Variants in TTC23L observed in about 807,000 individuals in gnomAD.
TTC23L encodes tetratricopeptide repeat protein 23-like.
Under a neutral mutation model 48.1 loss-of-function variants are expected in TTC23L, and 42 were observed. The observed-to-expected ratio is 0.87, with a 90% CI of 0.68 to 1.13. The LOEUF (loss-of-function observed/expected upper bound fraction) is 1.13, where lower values mean the gene tolerates loss of function less well. TTC23L is among the 50% of genes most tolerant of loss of function. The pLI is 0.00. For missense variants in TTC23L, 391 were observed against 421.0 expected (o/e 0.93, Z 0.62); for synonymous variants, 159 against 157.2 (o/e 1.01, Z -0.09).
At chr5:34,885,856 ATTAC>A (rs1762510293) in intron 9 of TTC23L, among the ~76,000 whole-genome samples, 1 of 152,224 alleles carries the variant, frequency 6.6e-6, no homozygotes, top group Admixed American at 6.5e-5. Context: ...AGAGAGAGAC[ATTAC>A]TTTTTAAGAA....
At chr5:34,901,362 T>A (rs1763506372), downstream of TTC23L, among the ~76,000 whole-genome samples, 6 of 152,230 alleles carry the variant, frequency 3.9e-5, no homozygotes, top group Admixed American at 3.9e-4. Flanking sequence ...TCACCAAAAC[T>A]GCCTTGGGAG....
intron 9 of TTC23L, among the ~76,000 whole-genome samples, chr5:34,889,423 T>C (rs1197342461): frequency 6.6e-6 from 1 of 152,178 alleles, no homozygotes; most frequent in Non-Finnish European, 1.5e-5. Context: ...TCACCAGCGG[T>C]GGCTGATAAT....
chr5:34,873,053 A>G (rs62356975), intron 8 of TTC23L, among the ~76,000 whole-genome samples: 20,703 of 150,956 alleles, frequency 0.14, 1,598 homozygotes, highest in Middle Eastern at 0.22. Context: ...ACAGAGGGAG[A>G]CTCCGTCTCA....
At chr5:34,860,589 T>C (rs1760535984) in intron 4 of TTC23L, among the ~76,000 whole-genome samples, 1 of 152,114 alleles carries the variant, frequency 6.6e-6, no homozygotes, top group Admixed American at 6.5e-5. Flanking sequence ...GTGCTTATAA[T>C]GCACAGTGCA....
At chr5:34,859,137 T>TAC (rs1462302640) in intron 4 of TTC23L, among the ~76,000 whole-genome samples, 1 of 152,144 alleles carries the variant, frequency 6.6e-6, no homozygotes, top group Non-Finnish European at 1.5e-5. Context: ...TGGGGTGGTT[T>TAC]TTAGTAGCTC....
chr5:34,923,170 C>T, the TTC23L span: 5 of 1,614,100 alleles, frequency 3.1e-6, no homozygotes, highest in Non-Finnish European at 3.4e-6. Flanking sequence ...AAAAGCCAAC[C>T]ATTTGTGGAC....
Position 34,864,436 on chromosome 5 carries a change from C to T in TTC23L, c.537-1C>T. The T allele has an allele frequency of 1.2e-6, 2 of 1,613,488 alleles. No individual in the cohort carries two copies. Among genetic ancestry groups the T allele is most frequent in the East Asian group, 2.2e-5 (1 of 44,866 alleles). On this transcript the variant is annotated splice_acceptor_variant, in intron 5 of 10. Coordinates refer to ENST00000505624, the Ensembl canonical transcript of TTC23L. LOFTEE classifies it high-confidence loss of function. Reference sequence around the variant, plus strand: ...CTTGCCATTTTCCTTGACTATTTCACTGGCAGAGAAGCCTATTTCAACCTG... The same window carrying T: ...CTTGCCATTTTCCTTGACTATTTCATTGGCAGAGAAGCCTATTTCAACCTG...
At chr5:34,848,177 G>C (rs144960775) in intron 3 of TTC23L, among the ~76,000 whole-genome samples, 162 of 152,270 alleles carry the variant, frequency 1.1e-3, no homozygotes, top group Non-Finnish European at 2.0e-3. Context: ...TTGGTTCCTT[G>C]AAGTGCTATT....
chr5:34,889,511 A>C (rs1762726002), intron 9 of TTC23L, among the ~76,000 whole-genome samples: 2 of 152,160 alleles, frequency 1.3e-5, no homozygotes, highest in Non-Finnish European at 2.9e-5. Flanking sequence ...GAGCCCTCCT[A>C]TCCACACCCC....
the TTC23L span, chr5:34,921,882 G>A: frequency 6.3e-6 from 1 of 159,886 alleles, no homozygotes; most frequent in Non-Finnish European, 1.3e-5. Context: ...ACTCCAGCCT[G>A]GGCAACAAGA....
At chr5:34,850,118 T>C in intron 3 of TTC23L, 67 bp from the exon 4 acceptor site, 1 of 1,563,178 alleles carries the variant, frequency 6.4e-7, no homozygotes, top group Non-Finnish European at 8.8e-7. Flanking sequence ...TGTGTTCCAG[T>C]GATAAGTCCA....
chr5:34,853,420 A>G (rs1033108488), intron 4 of TTC23L, among the ~76,000 whole-genome samples: 2 of 152,198 alleles, frequency 1.3e-5, no homozygotes, highest in African/African-American at 4.8e-5. Context: ...AATCCTAGCT[A>G]CTCGGGAGGC....
rs148034233 is a variant in TTC23L at position 34,859,453 on chromosome 5, G to C, written c.380-3445G>C. On this transcript the variant is annotated intron_variant, in intron 4 of 10. Coordinates refer to ENST00000505624, the Ensembl canonical transcript of TTC23L. ...CTCATCTGGGCATCTGCTATGGTTC[G>C]AGCATGTCCACTCCAAAGTTCAGGT... Among the ~76,000 whole-genome samples the C allele has an allele frequency of 9.5e-3, 1,452 of 152,220 alleles. 23 individuals carry two copies. The highest frequency in any genetic ancestry group is 0.034 in the African/African-American group (1,407 of 41,508).
chr5:34,864,562 G>A lies in TTC23L; in HGVS notation c.662G>A (p.Arg221Lys), dbSNP rs760603745. 9.3e-6 allele frequency: 15 copies of A among 1,611,698 alleles called. No individual in the cohort carries two copies. In the East Asian group the frequency reaches 1.8e-4, roughly 19 times the overall value. ...AACGACCTAACACTTGCTTTGGGCA[G>A]GTAAGATCTGGGCTTGGAGAAGCTG... The change falls in exon 6 of 11, where the codon AGA (arginine) becomes AAA (lysine). Residue 221 changes from arginine (R) to lysine (K), a missense_variant and splice_region_variant. By Grantham distance (26) the Arg-to-Lys change is conservative. Coordinates refer to ENST00000505624, the Ensembl canonical transcript of TTC23L.
chr5:34,908,764 C>T, the TTC23L span: 2 of 1,597,672 alleles, frequency 1.3e-6, no homozygotes, highest in South Asian at 1.1e-5. Flanking sequence ...AATTGTCATA[C>T]TCAAGACTCA....
intron 8 of TTC23L, among the ~76,000 whole-genome samples, chr5:34,871,061 C>G (rs1032633329): frequency 1.3e-5 from 2 of 152,182 alleles, no homozygotes; most frequent in Non-Finnish European, 2.9e-5. Context: ...GATGTTCACT[C>G]TCACTGCTCC....
intron 9 of TTC23L, among the ~76,000 whole-genome samples, chr5:34,887,025 A>G (rs370303481): frequency 2.0e-5 from 3 of 152,214 alleles, no homozygotes; most frequent in East Asian, 3.9e-4. Flanking sequence ...GGATGTCTCT[A>G]CATAAAACCT....
Position 34,847,801 on chromosome 5 carries a change from T to C in TTC23L, c.255+2128T>C, listed in dbSNP as rs559629203. 3.3e-5 allele frequency among the ~76,000 whole-genome samples: 5 copies of C among 152,334 alleles called. No homozygotes were observed. The South Asian group carries it at 8.3e-4, about 25-fold the overall frequency. On this transcript the variant is annotated intron_variant, in intron 3 of 10. Coordinates refer to ENST00000505624, the Ensembl canonical transcript of TTC23L. ...GGAAGCATCAGGGGAAGTTTCCTTC[T>C]ACCATTGCTTGCTTCTGTATATTTG...
intron 6 of TTC23L, among the ~76,000 whole-genome samples, chr5:34,866,204 C>T (rs376456907): frequency 2.6e-5 from 4 of 152,096 alleles, no homozygotes; most frequent in East Asian, 3.8e-4. Context: ...ACGAATAAGC[C>T]GATTGTGATA....
Sources: gnomAD v4.1 joint callset for allele counts (sites outside exome capture counted in the v4.1 genomes callset) on GRCh38, gnomAD v4.1.1 for gene constraint, MANE v1.5 for transcripts, NCBI Gene and HGNC (gene_info 2026-07-23, HGNC 2026-07-21) for gene names.